The following GAS2L3 variants were observed in gnomAD, a reference collection of about 807,000 sequenced individuals.
GAS2L3 encodes growth arrest specific 2 like 3, also known as GAS2-like protein 3.
In GAS2L3, 28 loss-of-function variants were observed where a neutral mutation model predicts 37.0. That is an observed-to-expected ratio of 0.76 (90% CI 0.56 to 1.04). The LOEUF is 1.04. Ranked by LOEUF, GAS2L3 falls within the 50% of genes least tolerant of loss-of-function variation. The pLI is 0.00. For synonymous variants in GAS2L3, 290 were observed against 296.6 expected, an observed-to-expected ratio of 0.98 and a Z score of 0.23; for missense variants, 793 against 817.6, an observed-to-expected ratio of 0.97 and a Z score of 0.37.
rs1432795969 is a variant in GAS2L3, at chr12:100,625,477, T to C, written c.*587T>C. On this transcript the variant is annotated 3_prime_UTR_variant, in exon 10 of 10. Transcript: ENST00000547754. ...TCTTATTATTTATTTTTTTAAGCTT[T>C]CCAAATTGGAAGGAACTGATTGTTT... 1 of 152,230 alleles carries C rather than the reference T, an allele frequency of 6.6e-6. No homozygotes were observed. Among genetic ancestry groups the C allele is most frequent in the Non-Finnish European group, 1.5e-5 (1 of 68,036 alleles). 9.4% of individuals were successfully genotyped at this position (152,230 alleles called of 1,614,324 possible).
chr12:100,624,283 C>T lies in GAS2L3; in HGVS notation c.1478C>T (p.Ser493Leu), dbSNP rs61748063. ...GCAGTATCTCACTTAGCTGCACATT[C>T]AAATTCATCCTCAAAATGTCCCAAG... is the stretch of plus-strand genomic sequence containing the variant. ...DNAVSHLAAHSNSSSKCPKLP... is the reference protein window; with the variant it reads ...DNAVSHLAAHLNSSSKCPKLP... The change falls in exon 10 of 10, where the codon TCA becomes TTA. Residue 493 changes from serine to leucine, a missense_variant. Physicochemically the swap from Ser to Leu is moderately radical, Grantham distance 145. Coordinates refer to ENST00000547754, the MANE Select transcript of GAS2L3 (RefSeq NM_174942.3). The T allele has an allele frequency of 5.7e-3, 9,274 of 1,613,960 alleles. 41 individuals carry two copies. The highest frequency in any genetic ancestry group is 7.4e-3 in the Middle Eastern group (45 of 6,060).
chr12:100,592,892 GACA>G (rs1955863940), intron 2 of GAS2L3, among the ~76,000 whole-genome samples: 1 of 152,052 alleles, frequency 6.6e-6, no homozygotes, highest in Admixed American at 6.6e-5. Flanking sequence ...AAAAAATAAG[GACA>G]ATATGTTGCT....
rs57889034 is a variant in GAS2L3, at chr12:100,589,339, C to CAA, written c.-151-2387_-151-2386dup. Among the ~76,000 whole-genome samples, 468 of 145,896 alleles carry CAA rather than the reference C, an allele frequency of 3.2e-3. 3 individuals carry two copies. Among genetic ancestry groups the CAA allele is most frequent in the African/African-American group, 0.011 (428 of 39,956 alleles). ...AACTCAACCCCTTTTATAATAGCTG[C>CAA]AAAAAAAAAAATGAATATACCTAAC... On this transcript the variant is annotated intron_variant, in intron 1 of 9. Coordinates refer to ENST00000547754, the MANE Select transcript of GAS2L3 (RefSeq NM_174942.3).
intron 5 of GAS2L3, among the ~76,000 whole-genome samples, chr12:100,604,049 G>A (rs1047659522): frequency 2.6e-5 from 4 of 151,596 alleles, no homozygotes; most frequent in Non-Finnish European, 4.4e-5. Context: ...CTCCAATTTT[G>A]TTCTTTTTGC....
chr12:100,578,792 CTG>C (rs1305954067), intron 1 of GAS2L3: 5 of 608,848 alleles, frequency 8.2e-6, no homozygotes, highest in African/African-American at 3.7e-5. Context: ...CTCAGCTACA[CTG>C]TCTCAGGTTA....
intron 5 of GAS2L3, among the ~76,000 whole-genome samples, chr12:100,608,878 A>G (rs925389496): frequency 7.2e-5 from 11 of 152,138 alleles, no homozygotes; most frequent in African/African-American, 2.7e-4. Flanking sequence ...CACTCAGACC[A>G]CAAGCCAAAA....
chr12:100,602,264 G>T (rs1389931583), intron 5 of GAS2L3, among the ~76,000 whole-genome samples: 8 of 151,834 alleles, frequency 5.3e-5, no homozygotes, highest in Non-Finnish European at 2.9e-5. Context: ...ATATTGATTG[G>T]ATAAATAATA....
At chr12:100,593,169 G>A (rs1005704945) in intron 2 of GAS2L3, among the ~76,000 whole-genome samples, 1 of 152,010 alleles carries the variant, frequency 6.6e-6, no homozygotes, top group Non-Finnish European at 1.5e-5. Flanking sequence ...GTTATATAGT[G>A]AGTACTTATT....
chr12:100,597,843 CAAATT>C (rs1478716116), intron 3 of GAS2L3, among the ~76,000 whole-genome samples: 2 of 151,992 alleles, frequency 1.3e-5, no homozygotes, highest in African/African-American at 4.8e-5. Context: ...AGACTTGCCT[CAAATT>C]AACCTCAATA....
rs771076960 is a variant in GAS2L3 at position 100,622,318 on chromosome 12, G to C, written c.692G>C (p.Arg231Pro). 1 of 1,605,880 alleles carries C rather than the reference G, an allele frequency of 6.2e-7. No individual in the cohort carries two copies. The highest frequency in any genetic ancestry group is 8.5e-7 in the Non-Finnish European group (1 of 1,173,400). Residue 231 changes from arginine (R) to proline (P), a missense_variant, in exon 9 of 10, where the codon CGA (arginine) becomes CCA (proline). Coordinates refer to ENST00000547754, the MANE Select transcript of GAS2L3 (RefSeq NM_174942.3). The part of the protein sequence containing the change: ...AEDPPCSCSH[R>P]FSIEYLSEGR... ...GACCCTCCTTGTAGTTGTTCTCATC[G>C]ATTTTCTATTGAGTATTTATCTGAA...
chr12:100,575,922 G>C (rs1438457102), intron 1 of GAS2L3, among the ~76,000 whole-genome samples: 1 of 152,122 alleles, frequency 6.6e-6, no homozygotes, highest in Non-Finnish European at 1.5e-5. Context: ...GCACTGGATT[G>C]TCAGTGTGAC....
intron 1 of GAS2L3, chr12:100,579,144 TG>T: frequency 1.5e-6 from 1 of 686,930 alleles, no homozygotes; most frequent in Non-Finnish European, 2.7e-6. Flanking sequence ...TTTTCTGCCA[TG>T]GCCCATGATG....
chr12:100,596,921 C>A (rs1955919698), intron 3 of GAS2L3, among the ~76,000 whole-genome samples: 1 of 151,984 alleles, frequency 6.6e-6, no homozygotes, highest in Admixed American at 6.6e-5. Context: ...CTCTTAATGA[C>A]AATATGACAG....
chr12:100,597,637 T>C (rs1955930233), intron 3 of GAS2L3, among the ~76,000 whole-genome samples: 1 of 152,060 alleles, frequency 6.6e-6, no homozygotes, highest in African/African-American at 2.4e-5. Context: ...ATTTTATTTT[T>C]TATTTTTTAT....
intron 1 of GAS2L3, chr12:100,579,692 G>C: frequency 1.3e-6 from 1 of 775,280 alleles, no homozygotes; most frequent in Non-Finnish European, 2.4e-6. Flanking sequence ...TCTGCATGGC[G>C]ATCATGGAAG....
chr12:100,614,150 G>T (rs1418404388), intron 6 of GAS2L3, among the ~76,000 whole-genome samples: 1 of 151,694 alleles, frequency 6.6e-6, no homozygotes, highest in Non-Finnish European at 1.5e-5. Context: ...TTTAAAAATT[G>T]TATTAAAATG....
intron 3 of GAS2L3, among the ~76,000 whole-genome samples, chr12:100,596,960 T>C (rs1026615729): frequency 6.6e-6 from 1 of 152,076 alleles, no homozygotes; most frequent in Non-Finnish European, 1.5e-5. Context: ...ACAATCTTCA[T>C]ACATGCAGTT....
Position 100,573,792 on chromosome 12 carries a change from ACTT to A in GAS2L3, c.-152+9_-152+11del. 6.5e-6 allele frequency: 1 copy of A among 153,300 alleles called. No individual in the cohort carries two copies. Among genetic ancestry groups the A allele is most frequent in the South Asian group, 1.8e-4 (1 of 5,422 alleles). 9.5% of individuals were successfully genotyped at this position (153,300 alleles called of 1,614,324 possible). ...AGTGACCCTCCTGCGCCTGGTGAGT[ACTT>A]CCCTGTTTGTCTTCTCTTTTCCTGG... On this transcript the variant is annotated splice_region_variant and intron_variant, in intron 1 of 9. Coordinates refer to ENST00000547754, the MANE Select transcript of GAS2L3 (RefSeq NM_174942.3).
intron 5 of GAS2L3, among the ~76,000 whole-genome samples, 174 bp from the exon 6 acceptor site, chr12:100,611,826 G>A (rs1409542568): frequency 6.6e-6 from 1 of 151,998 alleles, no homozygotes; most frequent in African/African-American, 2.4e-5. Flanking sequence ...CAGGGGTTGG[G>A]GACCTCTGCT....
Sources: gnomAD v4.1 joint callset for allele counts (sites outside exome capture counted in the v4.1 genomes callset) on GRCh38, gnomAD v4.1.1 for gene constraint, MANE v1.5 for transcripts, NCBI Gene and HGNC (gene_info 2026-07-23, HGNC 2026-07-21) for gene names.